FRAS1: variants seen among roughly 807,000 people sequenced by gnomAD.
The protein encoded by FRAS1 is extracellular matrix organizing protein FRAS1.
Under a neutral mutation model 435.2 loss-of-function variants are expected in FRAS1, and 290 were observed. The observed-to-expected ratio is 0.67, with a 90% CI of 0.61 to 0.73. FRAS1 has a LOEUF of 0.73. Among genes scored for constraint, FRAS1 ranks in the 30% least tolerant of loss-of-function variants. FRAS1 has a pLI of 0.00. For missense variants in FRAS1, 4,860 were observed against 5,001.5 expected, an observed-to-expected ratio of 0.97 and a Z score of 0.85; for synonymous variants, 1,800 against 1,851.0, an observed-to-expected ratio of 0.97 and a Z score of 0.71.
intron 2 of FRAS1, among the ~76,000 whole-genome samples, chr4:78,213,904 A>G (rs552549058): frequency 2.0e-5 from 3 of 152,376 alleles, no homozygotes; most frequent in South Asian, 2.1e-4. Flanking sequence ...TTTTCAAGTT[A>G]GAAACACTCA....
At chr4:78,421,837 G>C (rs377320864) in intron 33 of FRAS1, 26 bp from the exon 34 acceptor site, 1 of 1,613,254 alleles carries the variant, frequency 6.2e-7, no homozygotes, top group Non-Finnish European at 8.5e-7. Flanking sequence ...TACTGTTGAT[G>C]CTGAGGCCAA....
At chr4:78,517,701 TG>T (rs1721251692) in intron 66 of FRAS1, among the ~76,000 whole-genome samples, 1 of 152,214 alleles carries the variant, frequency 6.6e-6, no homozygotes, top group African/African-American at 2.4e-5. Flanking sequence ...CCTTGCACAG[TG>T]TGCCTGGTGT....
intron 2 of FRAS1, chr4:78,181,705 ATC>A: frequency 6.2e-7 from 1 of 1,609,640 alleles, no homozygotes; most frequent in Admixed American, 1.7e-5. Context: ...GAAGTTGTTG[ATC>A]AGGTCTTCTT....
intron 3 of FRAS1, among the ~76,000 whole-genome samples, chr4:78,243,504 G>A (rs1456244183): frequency 1.2e-4 from 18 of 152,102 alleles, no homozygotes; most frequent in Admixed American, 1.1e-3. Flanking sequence ...ACATGGTTAG[G>A]TGGCAGGAAC....
intron 29 of FRAS1, among the ~76,000 whole-genome samples, chr4:78,393,800 T>C (rs1468697581): frequency 6.6e-6 from 1 of 152,082 alleles, no homozygotes; most frequent in Non-Finnish European, 1.5e-5. Flanking sequence ...GCTGATCATA[T>C]GGTAGTTTGT....
chr4:78,522,587 G>A, intron 68 of FRAS1, 62 bp from the exon 69 acceptor site: 1 of 1,381,952 alleles, frequency 7.2e-7, no homozygotes, highest in East Asian at 2.5e-5. Flanking sequence ...GCTCTACCAG[G>A]TACAGTCAAA....
At chr4:78,205,191 C>CTTTTTTTTT (rs33943058) in intron 2 of FRAS1, among the ~76,000 whole-genome samples, 1 of 138,972 alleles carries the variant, frequency 7.2e-6, no homozygotes, top group African/African-American at 2.6e-5. Context: ...TCTTTCCTTC[C>CTTTTTTTTT]TTTTTTTTTT....
chr4:78,492,185 A>G (rs971622367), intron 59 of FRAS1, among the ~76,000 whole-genome samples: 2 of 152,230 alleles, frequency 1.3e-5, no homozygotes, highest in African/African-American at 4.8e-5. Flanking sequence ...GCTCATGGAT[A>G]AGAAAAATCA....
chr4:78,230,581 A>G (rs1003222336), intron 2 of FRAS1, among the ~76,000 whole-genome samples: 3 of 152,198 alleles, frequency 2.0e-5, no homozygotes, highest in Admixed American at 6.5e-5. Context: ...AAGGACCATT[A>G]TTTCTGTGTC....
At chr4:78,119,207 T>C (rs1196891882) in intron 2 of FRAS1, among the ~76,000 whole-genome samples, 1 of 152,190 alleles carries the variant, frequency 6.6e-6, no homozygotes, top group African/African-American at 2.4e-5. Flanking sequence ...AATATCCTCA[T>C]TCTTCTAGCT....
chr4:78,363,745 C>T (rs958139063), intron 21 of FRAS1, 80 bp downstream of exon 21: 12 of 1,485,596 alleles, frequency 8.1e-6, no homozygotes, highest in African/African-American at 5.6e-5. Context: ...ATCAACCTTT[C>T]CTAAGAGAGA....
chr4:78,272,267 T>G (rs1208093481), intron 9 of FRAS1, among the ~76,000 whole-genome samples: 2 of 152,244 alleles, frequency 1.3e-5, no homozygotes, highest in Non-Finnish European at 2.9e-5. Context: ...AGGTTGCCTG[T>G]TCACTCTGAT....
rs150309629 is a variant in FRAS1 at position 78,272,564 on chromosome 4, A to T, written c.981+5132A>T. 4.1e-3 allele frequency among the ~76,000 whole-genome samples: 617 copies of T among 152,336 alleles called. 3 individuals are homozygous for T. The highest frequency in any genetic ancestry group is 0.014 in the African/African-American group (597 of 41,568). ...GTTTTCCCAGTACCATTTGTTAAAT[A>T]GGGAATCATTTCCCCGTTTCTTGTT... On this transcript the variant is annotated intron_variant, in intron 9 of 73. Coordinates refer to ENST00000512123, the MANE Select transcript of FRAS1 (RefSeq NM_025074.7).
At chr4:78,498,591 C>T (rs1412057197) in intron 60 of FRAS1, among the ~76,000 whole-genome samples, 1 of 151,340 alleles carries the variant, frequency 6.6e-6, no homozygotes, top group Non-Finnish European at 1.5e-5. Flanking sequence ...AACTATAAAA[C>T]CTCAAATGAG....
At chr4:78,489,418 G>A (rs942549918) in intron 59 of FRAS1, among the ~76,000 whole-genome samples, 10 of 152,052 alleles carry the variant, frequency 6.6e-5, no homozygotes, top group African/African-American at 1.9e-4. Context: ...ATTAAGAAGT[G>A]GAATAGTGGA....
intron 7 of FRAS1, among the ~76,000 whole-genome samples, chr4:78,265,953 G>T (rs1726332335): frequency 6.6e-6 from 1 of 152,206 alleles, no homozygotes; most frequent in African/African-American, 2.4e-5. Context: ...TGCTAGATCT[G>T]TGCTGCCTGA....
chr4:78,315,686 T>C lies in FRAS1; in HGVS notation c.1771T>C (p.Ser591Pro). Residue 591 changes from serine (S) to proline (P), a missense_variant, in exon 16 of 74, where the codon TCT becomes CCT. Physicochemically the swap from Ser to Pro is moderately conservative, Grantham distance 74. Transcript: ENST00000512123. ...AGTGCTGCATGATGGGAAATGCATG[T>C]CTGAATGCCCTGGCGGGTACTATGC... ...KTVLHDGKCMSECPGGYYADA... is the reference protein window; with the variant it reads ...KTVLHDGKCMPECPGGYYADA... 1.2e-6 allele frequency: 2 copies of C among 1,614,016 alleles called. No individual in the cohort carries two copies. The highest frequency in any genetic ancestry group is 1.7e-6 in the Non-Finnish European group (2 of 1,179,890).
At chr4:78,189,765 C>T (rs2110062180) in intron 2 of FRAS1, among the ~76,000 whole-genome samples, 1 of 152,342 alleles carries the variant, frequency 6.6e-6, no homozygotes, top group South Asian at 2.1e-4. Flanking sequence ...TAATAATCCT[C>T]AGATTTCACA....
rs756491057 is a variant in FRAS1, at chr4:78,419,084, T to A, written c.4540+21T>A. The stretch of plus-strand genomic sequence containing the variant: ...TCAAGGTAAGATGTGCAGTAAATGA[T>A]CTTTTGAGTGATATTATTATCTTCT... On this transcript the variant is annotated intron_variant, in intron 33 of 73. Transcript: ENST00000512123. 17 of 1,330,532 alleles carry A rather than the reference T, an allele frequency of 1.3e-5. 1 individual carries two copies. The South Asian group carries it at 2.3e-4, about 18-fold the overall frequency. The allele number at this position is 1,330,532 out of a possible 1,614,324, so 82.4% of individuals were successfully genotyped here. A position where few individuals can be genotyped will look rare whatever the true frequency, so the allele number is the denominator to read the frequency against.
Sources: allele counts gnomAD v4.1 joint callset (sites outside exome capture counted in the v4.1 genomes callset), GRCh38; gene constraint gnomAD v4.1.1; transcripts MANE v1.5; gene names NCBI Gene and HGNC (gene_info 2026-07-23, HGNC 2026-07-21).